Variants in LMTK2 observed in about 807,000 individuals in gnomAD.
The protein encoded by LMTK2 is serine/threonine-protein kinase LMTK2.
LMTK2 carries 37 observed loss-of-function variants against 127.5 expected under a neutral mutation model. That is an observed-to-expected ratio of 0.29 (90% confidence interval 0.22 to 0.38). The LOEUF is 0.38. LMTK2 is among the 10% of genes least tolerant of loss of function. LMTK2 has a pLI of 1.00. For synonymous variants in LMTK2, 819 were observed against 810.1 expected, an observed-to-expected ratio of 1.01 and a Z score of -0.19; for missense variants, 1,694 against 1,920.3, an observed-to-expected ratio of 0.88 and a Z score of 2.20.
chr7:98,119,811 G>A (rs1054215224), intron 1 of LMTK2, among the ~76,000 whole-genome samples: 6 of 152,180 alleles, frequency 3.9e-5, no homozygotes, highest in African/African-American at 9.7e-5. Context: ...CCCCTGATTC[G>A]TAATCTATAC....
intron 11 of LMTK2, among the ~76,000 whole-genome samples, chr7:98,197,777 G>A (rs1378368881): frequency 6.6e-6 from 1 of 152,206 alleles, no homozygotes; most frequent in Non-Finnish European, 1.5e-5. Flanking sequence ...AGGAGTTTGA[G>A]AGTGCAGTGA....
At chr7:98,184,606 G>A (rs1797406269) in intron 7 of LMTK2, among the ~76,000 whole-genome samples, 1 of 152,086 alleles carries the variant, frequency 6.6e-6, no homozygotes, top group African/African-American at 2.4e-5. Context: ...GATGTCTTAT[G>A]TCTTCCTAAA....
chr7:98,203,999 A>G lies in LMTK2; in HGVS notation c.4296A>G (p.Thr1432=). 1 of 1,614,230 alleles carries G rather than the reference A, an allele frequency of 6.2e-7. No homozygotes were observed. The highest frequency in any genetic ancestry group is 8.5e-7 in the Non-Finnish European group (1 of 1,180,036). The stretch of plus-strand genomic sequence containing the variant: ...CCCCAGATCCTTTTATGTCAAAGAC[A>G]ACAAGTAACCTGCTCAGCTCCAAGC... ...DFSPDPFMSK[T]TSNLLSSKPS... is the part of the protein sequence containing the mutation. The change falls in exon 13 of 14, where the codon ACA becomes ACG. Residue 1432 remains threonine, a synonymous_variant. Transcript: ENST00000297293.
At chr7:98,129,992 G>A (rs1037043229) in intron 1 of LMTK2, among the ~76,000 whole-genome samples, 11 of 152,168 alleles carry the variant, frequency 7.2e-5, no homozygotes, top group African/African-American at 2.4e-4. Context: ...GCACAGGCAG[G>A]GACTCCAACC....
intron 11 of LMTK2, among the ~76,000 whole-genome samples, chr7:98,199,250 T>G (rs966114459): frequency 1.3e-5 from 2 of 152,368 alleles, no homozygotes; most frequent in African/African-American, 2.4e-5. Context: ...TTAGTTCTTC[T>G]CTGTCATTGC....
intron 7 of LMTK2, among the ~76,000 whole-genome samples, chr7:98,184,284 C>CT (rs1351067081): frequency 6.6e-6 from 1 of 152,086 alleles, no homozygotes; most frequent in Non-Finnish European, 1.5e-5. Flanking sequence ...TGTTTGAGGT[C>CT]TTTGAGAAGA....
At chr7:98,127,843 TTAAAAA>T (rs1429757893) in intron 1 of LMTK2, among the ~76,000 whole-genome samples, 1 of 152,098 alleles carries the variant, frequency 6.6e-6, no homozygotes, top group Non-Finnish European at 1.5e-5. Flanking sequence ...ATTTGTACAC[TTAAAAA>T]TAAAAAATTA....
At chr7:98,183,089 A>G (rs1483880427) in intron 7 of LMTK2, among the ~76,000 whole-genome samples, 1 of 152,238 alleles carries the variant, frequency 6.6e-6, no homozygotes, top group African/African-American at 2.4e-5. Context: ...GCCCTGTAAG[A>G]AATTGAAGTA....
chr7:98,179,888 C>G (rs1300121425), intron 7 of LMTK2, among the ~76,000 whole-genome samples: 2 of 152,108 alleles, frequency 1.3e-5, no homozygotes, highest in South Asian at 2.1e-4. Flanking sequence ...AACAGCAGCT[C>G]CAAGTGTCAC....
Position 98,191,930 on chromosome 7 carries a change from C to A in LMTK2, c.1465C>A (p.Arg489Ser). ...EAAKHDHFDE[R>S]SRGHLDEGLS... is the part of the protein sequence containing the mutation. ...CGCTAAGCACGACCACTTTGACGAG[C>A]GCAGCCGGGGCCACCTGGACGAAGG... The change falls in exon 11 of 14, where the codon CGC becomes AGC. Residue 489 changes from arginine to serine, a missense_variant. This residue lies in a region of LMTK2 where 216 missense variants were observed against 266.8 expected (regional missense o/e 0.81). Coordinates refer to ENST00000297293, the MANE Select transcript of LMTK2 (RefSeq NM_014916.4). 6.2e-7 allele frequency: 1 copy of A among 1,614,146 alleles called. No homozygotes were observed. Among genetic ancestry groups the A allele is most frequent in the Non-Finnish European group, 8.5e-7 (1 of 1,180,044 alleles).
In LMTK2 at chr7:98,107,006, C is replaced by T; in HGVS notation, c.-172C>T. The T allele has an allele frequency of 2.1e-6, 1 of 476,484 alleles. No homozygotes were observed. Among genetic ancestry groups the T allele is most frequent in the Non-Finnish European group, 3.7e-6 (1 of 272,992 alleles). The allele number at this position is 476,484 out of a possible 1,614,324, so 29.5% of individuals were successfully genotyped here. A position where few individuals can be genotyped will look rare whatever the true frequency, so the allele number is the denominator to read the frequency against. On this transcript the variant is annotated 5_prime_UTR_variant, in exon 1 of 14. The change creates a premature stop within an existing upstream ORF in the 5' untranslated region. Transcript: ENST00000297293. ...GATGGTGTTTCTGCGACTGGAGCGG[C>T]AGGTGCGGACCGGGAGCCGGACCGA... is the stretch of plus-strand genomic sequence containing the variant.
intron 7 of LMTK2, among the ~76,000 whole-genome samples, chr7:98,182,981 C>G (rs1797376817): frequency 6.6e-6 from 1 of 152,120 alleles, no homozygotes; most frequent in South Asian, 2.1e-4. Flanking sequence ...CACAACTGAC[C>G]AGCATTAACA....
chr7:98,171,575 A>T lies in LMTK2; in HGVS notation c.692A>T (p.Glu231Val). The T allele has an allele frequency of 6.2e-7, 1 of 1,613,874 alleles. No individual in the cohort carries two copies. Among genetic ancestry groups the T allele is most frequent in the Non-Finnish European group, 8.5e-7 (1 of 1,180,010 alleles). The change falls in exon 7 of 14, where the codon GAG becomes GTG. Residue 231 changes from glutamate (E) to valine (V), a missense_variant. Glu to Val is a moderately radical substitution (Grantham distance 121). Transcript: ENST00000297293. The surrounding 1 kb of genome is among the most constrained non-coding windows in gnomAD (Gnocchi z 5.1). ...AAGGCGTATCTGCGCAGCGAGCAGG[A>T]GCACATGCGGGGGGACTCACAGACC... ...DLKAYLRSEQ[E>V]HMRGDSQTML...
intron 7 of LMTK2, among the ~76,000 whole-genome samples, chr7:98,173,005 G>A (rs746976704): frequency 2.5e-4 from 38 of 152,294 alleles, no homozygotes; most frequent in East Asian, 5.8e-4. Context: ...TGATCCGTCC[G>A]CCTCAGCCTC....
chr7:98,158,621 TATAA>T (rs940362437), intron 5 of LMTK2, among the ~76,000 whole-genome samples: 1 of 151,720 alleles, frequency 6.6e-6, no homozygotes, highest in African/African-American at 2.4e-5. Flanking sequence ...GTAAAAAAAA[TATAA>T]ATAATACAGT....
At position 98,193,998 on chromosome 7, in the gene LMTK2, C is replaced by T; in HGVS notation, c.3533C>T (p.Ala1178Val). The change falls in exon 11 of 14, where the codon GCC becomes GTC. Residue 1178 changes from alanine to valine, a missense_variant. By Grantham distance (64) the Ala-to-Val change is moderately conservative. Around this residue, in one of 8 missense-constraint regions of LMTK2, gnomAD observed 554 missense variants for 567.7 expected, o/e 0.98. Transcript: ENST00000297293. The surrounding 1 kb of genome is among the most constrained non-coding windows in gnomAD (Gnocchi z 4.1). The stretch of plus-strand genomic sequence containing the variant: ...AACTCCAGTGACCTGGAATTAAGAG[C>T]CACGCCGGAGCCAGCACAGACTGGT... Reference protein sequence around the residue: ...LHNSSDLELRATPEPAQTGVP... With the variant: ...LHNSSDLELRVTPEPAQTGVP... The T allele has an allele frequency of 6.2e-7, 1 of 1,614,116 alleles. No individual in the cohort carries two copies. Among genetic ancestry groups the T allele is most frequent in the Non-Finnish European group, 8.5e-7 (1 of 1,180,046 alleles).
chr7:98,170,568 T>C (rs1264302130), intron 6 of LMTK2, among the ~76,000 whole-genome samples: 1 of 150,782 alleles, frequency 6.6e-6, no homozygotes, highest in African/African-American at 2.4e-5. Flanking sequence ...GCTCCCCGCC[T>C]CCAGCCGTCT....
At chr7:98,140,743 T>A (rs1796685078) in intron 2 of LMTK2, among the ~76,000 whole-genome samples, 1 of 152,098 alleles carries the variant, frequency 6.6e-6, no homozygotes, top group South Asian at 2.1e-4. Context: ...ATGCAAAGAA[T>A]CATGTCACAA....
intron 11 of LMTK2, among the ~76,000 whole-genome samples, chr7:98,200,523 C>T (rs1254873257): frequency 1.3e-5 from 2 of 152,214 alleles, no homozygotes; most frequent in South Asian, 2.1e-4. Context: ...ATGTGGGTTC[C>T]GCAAGGCTAA....
Sources: allele counts gnomAD v4.1 joint callset (sites outside exome capture counted in the v4.1 genomes callset), GRCh38; gene constraint gnomAD v4.1.1; regional missense constraint gnomAD v4.1.1; non-coding constraint Gnocchi (gnomAD v3.1); transcripts MANE v1.5; gene names NCBI Gene and HGNC (gene_info 2026-07-23, HGNC 2026-07-21).